Variants in PTPRD observed in about 807,000 individuals in gnomAD.
The protein encoded by PTPRD is protein tyrosine phosphatase receptor type D, also known as receptor-type tyrosine-protein phosphatase delta.
Under a neutral mutation model 214.5 loss-of-function variants are expected in PTPRD, and 34 were observed. The ratio of observed to expected loss-of-function variants is 0.16; its 90% CI spans 0.12 to 0.21. PTPRD has a LOEUF of 0.21. Ranked by LOEUF, PTPRD falls within the 10% of genes least tolerant of loss-of-function variation. The pLI is 1.00. For synonymous variants in PTPRD, 1,128 were observed against 845.7 expected, an observed-to-expected ratio of 1.33 and a Z score of -5.79; for missense variants, 2,545 against 2,398.7, an observed-to-expected ratio of 1.06 and a Z score of -1.27.
intron 12 of PTPRD, among the ~76,000 whole-genome samples, chr9:8,697,382 T>C (rs2097939220): frequency 6.6e-6 from 1 of 151,426 alleles, no homozygotes; most frequent in Non-Finnish European, 1.5e-5. Flanking sequence ...TTGTTGTTGA[T>C]TTGGGATTTT....
intron 7 of PTPRD, among the ~76,000 whole-genome samples, chr9:9,584,365 T>C (rs2091507915): frequency 6.6e-6 from 1 of 151,202 alleles, no homozygotes; most frequent in Non-Finnish European, 1.5e-5. Flanking sequence ...TCACCATTAT[T>C]ATTATTATTA....
At chr9:10,609,230 TAG>T (rs1488869319) in intron 2 of PTPRD, among the ~76,000 whole-genome samples, 2 of 152,120 alleles carry the variant, frequency 1.3e-5, no homozygotes, top group East Asian at 3.9e-4. Context: ...GCTAGATCAA[TAG>T]AGACACATGG....
At chr9:8,986,182 T>C (rs983297514) in intron 11 of PTPRD, among the ~76,000 whole-genome samples, 3 of 152,090 alleles carry the variant, frequency 2.0e-5, no homozygotes, top group Non-Finnish European at 4.4e-5. Context: ...GAACAGTTTT[T>C]GATTTTGCTA....
At chr9:10,591,688 G>A (rs932370276) in intron 2 of PTPRD, among the ~76,000 whole-genome samples, 4 of 152,062 alleles carry the variant, frequency 2.6e-5, no homozygotes, top group Non-Finnish European at 5.9e-5. Flanking sequence ...AAATATGCCA[G>A]CCTCATGGAA....
intron 9 of PTPRD, among the ~76,000 whole-genome samples, chr9:9,378,894 G>T (rs1026440822): frequency 6.6e-6 from 1 of 151,496 alleles, no homozygotes; most frequent in Non-Finnish European, 1.5e-5. Flanking sequence ...ATATATTTTG[G>T]ATAACCGCTC....
At chr9:8,879,161 G>A (rs922270637) in intron 11 of PTPRD, among the ~76,000 whole-genome samples, 1 of 152,132 alleles carries the variant, frequency 6.6e-6, no homozygotes, top group Non-Finnish European at 1.5e-5. Context: ...GGCGTATGTT[G>A]TCTTTTCTTG....
At chr9:10,248,834 G>A (rs965373515) in intron 3 of PTPRD, among the ~76,000 whole-genome samples, 2 of 151,464 alleles carry the variant, frequency 1.3e-5, no homozygotes, top group African/African-American at 2.4e-5. Context: ...ACTAAAATAT[G>A]ACCCCTGTAC....
At chr9:9,235,863 G>C (rs1418479570) in intron 9 of PTPRD, among the ~76,000 whole-genome samples, 1 of 151,848 alleles carries the variant, frequency 6.6e-6, no homozygotes, top group African/African-American at 2.4e-5. Context: ...CTTTTTTTTT[G>C]TTGTTGTTGT....
intron 11 of PTPRD, among the ~76,000 whole-genome samples, chr9:8,765,653 G>A (rs1385064035): frequency 1.7e-4 from 26 of 152,160 alleles, no homozygotes; most frequent in Admixed American, 1.7e-3. Context: ...ACCTGGTTAA[G>A]CTACTCCCAT....
At chr9:8,442,404 A>G (rs2095577578) in intron 34 of PTPRD, among the ~76,000 whole-genome samples, 1 of 152,064 alleles carries the variant, frequency 6.6e-6, no homozygotes, top group Admixed American at 6.5e-5. Flanking sequence ...TGCTAAGTAG[A>G]GTTTTTGAAG....
intron 11 of PTPRD, among the ~76,000 whole-genome samples, chr9:8,979,502 C>G (rs1442126278): frequency 2.0e-5 from 3 of 151,998 alleles, no homozygotes; most frequent in Admixed American, 6.6e-5. Context: ...TAAGGGACTA[C>G]TATCCAAAAT....
intron 11 of PTPRD, among the ~76,000 whole-genome samples, chr9:8,985,367 C>G (rs192497291): frequency 2.0e-4 from 30 of 152,114 alleles, no homozygotes; most frequent in East Asian, 3.9e-4. Context: ...AAAACACATT[C>G]TGATACTTAA....
chr9:10,362,669 C>G (rs1409306587), intron 2 of PTPRD, among the ~76,000 whole-genome samples: 1 of 152,050 alleles, frequency 6.6e-6, no homozygotes, highest in Non-Finnish European at 1.5e-5. Context: ...ATCACGAGGT[C>G]AGGAGATCGA....
intron 11 of PTPRD, among the ~76,000 whole-genome samples, chr9:8,836,954 A>G (rs1006702734): frequency 6.7e-6 from 1 of 150,146 alleles, no homozygotes; most frequent in Non-Finnish European, 1.5e-5. Flanking sequence ...AATACCTACC[A>G]TTAATAACCC....
At chr9:10,489,732 T>C (rs1589315664) in intron 2 of PTPRD, among the ~76,000 whole-genome samples, 2 of 152,202 alleles carry the variant, frequency 1.3e-5, no homozygotes, top group South Asian at 4.2e-4. Context: ...GGTCCCTCCA[T>C]GGTTAGTTAT....
intron 5 of PTPRD, among the ~76,000 whole-genome samples, chr9:9,788,990 T>A (rs117116622): frequency 6.6e-6 from 1 of 152,194 alleles, no homozygotes; most frequent in East Asian, 1.9e-4. Flanking sequence ...TTCAAAGTCC[T>A]TCATTAAGTT....
intron 5 of PTPRD, among the ~76,000 whole-genome samples, chr9:9,917,816 A>G (rs759165943): frequency 6.6e-6 from 1 of 152,110 alleles, no homozygotes; most frequent in Non-Finnish European, 1.5e-5. Context: ...GATACATCAC[A>G]TTTGTAGAAT....
At chr9:9,863,310 A>T (rs922671873) in intron 5 of PTPRD, among the ~76,000 whole-genome samples, 2 of 152,208 alleles carry the variant, frequency 1.3e-5, no homozygotes, top group Non-Finnish European at 2.9e-5. Context: ...AAAAAATTTG[A>T]TAATTGATAA....
At chr9:8,858,381 G>A (rs1192619060) in intron 11 of PTPRD, 1 of 152,698 alleles carries the variant, frequency 6.5e-6, no homozygotes, top group Non-Finnish European at 1.5e-5. Context: ...CCTGGGAAAG[G>A]GCCCGAGCAG....
Sources: gnomAD v4.1 joint callset for allele counts (sites outside exome capture counted in the v4.1 genomes callset) on GRCh38, gnomAD v4.1.1 for gene constraint, MANE v1.5 for transcripts, NCBI Gene and HGNC (gene_info 2026-07-23, HGNC 2026-07-21) for gene names.